TTC29: variants seen among roughly 807,000 people sequenced by gnomAD.
TTC29 encodes tetratricopeptide repeat protein 29.
Under a neutral mutation model 58.1 loss-of-function variants are expected in TTC29, and 49 were observed. That is an observed-to-expected ratio of 0.84 (90% CI 0.67 to 1.07). The LOEUF is 1.07. TTC29 is among the 50% of genes least tolerant of loss of function. The pLI is 0.00. For missense variants in TTC29, 582 were observed against 555.6 expected, an observed-to-expected ratio of 1.05 and a Z score of -0.48; for synonymous variants, 209 against 196.8, an observed-to-expected ratio of 1.06 and a Z score of -0.52.
intron 11 of TTC29, among the ~76,000 whole-genome samples, chr4:146,793,786 T>G (rs1579687330): frequency 6.6e-6 from 1 of 152,174 alleles, no homozygotes; most frequent in East Asian, 1.9e-4. Flanking sequence ...AAGCTGAAGT[T>G]TTTTAAAAAA....
At chr4:146,914,539 G>C (rs1312474086) in intron 4 of TTC29, among the ~76,000 whole-genome samples, 2 of 152,044 alleles carry the variant, frequency 1.3e-5, no homozygotes, top group Non-Finnish European at 2.9e-5. Context: ...TTAATATTAG[G>C]AAATATGAGG....
At chr4:146,826,595 G>T (rs552298117) in intron 9 of TTC29, among the ~76,000 whole-genome samples, 4 of 152,114 alleles carry the variant, frequency 2.6e-5, no homozygotes, top group African/African-American at 4.8e-5. Context: ...TCTTGGGTTT[G>T]ATCTTCTCAT....
chr4:146,929,654 A>G (rs1735175057), intron 4 of TTC29, among the ~76,000 whole-genome samples: 1 of 152,142 alleles, frequency 6.6e-6, no homozygotes, highest in Admixed American at 6.6e-5. Context: ...TTGCATGCAT[A>G]TACTGATGTT....
chr4:146,801,978 CAAAAAAAAAAAAA>C (rs57486017), intron 11 of TTC29, among the ~76,000 whole-genome samples: 3,390 of 38,914 alleles, frequency 0.087, 149 homozygotes, highest in African/African-American at 0.18. Flanking sequence ...GACTCTGTCT[CAAAAAAAAAAAAA>C]AAAAAAAAAA....
chr4:146,857,619 C>T (rs1729957159), intron 8 of TTC29, among the ~76,000 whole-genome samples: 1 of 152,092 alleles, frequency 6.6e-6, no homozygotes, highest in Non-Finnish European at 1.5e-5. Flanking sequence ...GATAACCAGC[C>T]ATCCTCTGGG....
At chr4:146,720,058 G>A (rs1400130964) in intron 11 of TTC29, among the ~76,000 whole-genome samples, 1 of 152,076 alleles carries the variant, frequency 6.6e-6, no homozygotes, top group Admixed American at 6.5e-5. Flanking sequence ...AGATGAATGT[G>A]TCTAAGAGTA....
intron 8 of TTC29, among the ~76,000 whole-genome samples, chr4:146,852,830 A>C (rs10434195): frequency 3.3e-5 from 5 of 152,314 alleles, no homozygotes; most frequent in African/African-American, 1.2e-4. Flanking sequence ...GGGACTTTGG[A>C]CAAAATTACT....
chr4:146,762,590 T>G (rs1746994672), intron 11 of TTC29, among the ~76,000 whole-genome samples: 1 of 151,958 alleles, frequency 6.6e-6, no homozygotes, highest in Non-Finnish European at 1.5e-5. Flanking sequence ...TAACACAGGA[T>G]CACTGCTTTG....
At chr4:146,742,694 TCCCCCTCCCCC>T in intron 11 of TTC29, among the ~76,000 whole-genome samples, 2 of 104,348 alleles carry the variant, frequency 1.9e-5, no homozygotes, top group Non-Finnish European at 3.9e-5. Flanking sequence ...CTTCTACTCC[TCCCCCTCCCCC>T]CTTCCCCTTC....
intron 8 of TTC29, among the ~76,000 whole-genome samples, chr4:146,846,578 C>A (rs573554643): frequency 6.6e-6 from 1 of 152,210 alleles, no homozygotes; most frequent in Non-Finnish European, 1.5e-5. Context: ...CCAGTGGCCA[C>A]CTAACCTTCT....
chr4:146,745,108 G>A (rs1018691136), intron 11 of TTC29, among the ~76,000 whole-genome samples: 1 of 152,230 alleles, frequency 6.6e-6, no homozygotes, highest in Admixed American at 6.5e-5. Context: ...CACATGCCAT[G>A]TTCACAGTTG....
intron 5 of TTC29, among the ~76,000 whole-genome samples, chr4:146,908,160 T>C (rs911678677): frequency 1.3e-5 from 2 of 152,188 alleles, no homozygotes; most frequent in African/African-American, 4.8e-5. Context: ...CCCTATTTTC[T>C]CATAGAAAAG....
At chr4:146,918,856 C>T (rs1198840737) in intron 4 of TTC29, among the ~76,000 whole-genome samples, 1 of 151,028 alleles carries the variant, frequency 6.6e-6, no homozygotes. Context: ...ACTTCAGCAT[C>T]ATTCATTTTC....
chr4:146,819,940 A>G (rs893053981), intron 10 of TTC29, among the ~76,000 whole-genome samples, 185 bp downstream of exon 10: 10 of 152,120 alleles, frequency 6.6e-5, no homozygotes, highest in Non-Finnish European at 1.3e-4. Flanking sequence ...GGAAAAGGAG[A>G]AGGAGGAGGA....
At chr4:146,809,869 T>A (rs969306325) in intron 10 of TTC29, among the ~76,000 whole-genome samples, 2 of 149,742 alleles carry the variant, frequency 1.3e-5, no homozygotes, top group African/African-American at 4.9e-5. Context: ...TTCTCAAGAA[T>A]CTAGAACCAG....
intron 8 of TTC29, among the ~76,000 whole-genome samples, chr4:146,845,705 T>C (rs1030739378): frequency 6.6e-6 from 1 of 152,160 alleles, no homozygotes; most frequent in Non-Finnish European, 1.5e-5. Context: ...GACCTTTCAC[T>C]AAGGAATGGG....
intron 10 of TTC29, among the ~76,000 whole-genome samples, chr4:146,810,875 T>G (rs1750979135): frequency 6.6e-6 from 1 of 152,074 alleles, no homozygotes; most frequent in Non-Finnish European, 1.5e-5. Flanking sequence ...TACTATGTTT[T>G]GTTTTCAGTC....
chr4:146,851,762 G>A (rs762021339), intron 8 of TTC29, among the ~76,000 whole-genome samples: 8 of 152,098 alleles, frequency 5.3e-5, no homozygotes, highest in Non-Finnish European at 8.8e-5. Flanking sequence ...GAATTTCAAG[G>A]CAAATTCAGC....
chr4:146,915,748 T>G (rs1022611101), intron 4 of TTC29, among the ~76,000 whole-genome samples: 1 of 151,994 alleles, frequency 6.6e-6, no homozygotes, highest in African/African-American at 2.4e-5. Flanking sequence ...GTATATTCAA[T>G]TATATGACTG....
Sources: gnomAD v4.1 joint callset for allele counts (sites outside exome capture counted in the v4.1 genomes callset) on GRCh38, gnomAD v4.1.1 for gene constraint, MANE v1.5 for transcripts, NCBI Gene and HGNC (gene_info 2026-07-23, HGNC 2026-07-21) for gene names.